The following CLSTN2 variants were observed in gnomAD, a reference collection of about 807,000 sequenced individuals.
CLSTN2 encodes calsyntenin 2, also known as calsyntenin-2.
In CLSTN2, 48 loss-of-function variants were observed where a neutral mutation model predicts 101.2. That is an observed-to-expected ratio of 0.47 (90% CI 0.38 to 0.60). CLSTN2 has a LOEUF of 0.60. CLSTN2 is among the 20% of genes least tolerant of loss of function. The pLI, the probability that CLSTN2 is intolerant of heterozygous loss-of-function variation, is 0.00. For synonymous variants in CLSTN2, 481 were observed against 463.6 expected, an observed-to-expected ratio of 1.04 and a Z score of -0.48; for missense variants, 1,160 against 1,238.2, an observed-to-expected ratio of 0.94 and a Z score of 0.95.
At chr3:139,955,329 T>A (rs1935374295) in intron 1 of CLSTN2, among the ~76,000 whole-genome samples, 1 of 151,792 alleles carries the variant, frequency 6.6e-6, no homozygotes, top group Admixed American at 6.6e-5. Flanking sequence ...ATGGGTATAT[T>A]AAACTCTGGC....
chr3:140,498,515 A>G (rs534164720), intron 8 of CLSTN2, among the ~76,000 whole-genome samples: 2 of 152,372 alleles, frequency 1.3e-5, no homozygotes, highest in African/African-American at 4.8e-5. Context: ...GCCCAGAGAC[A>G]TGTATGATAC....
chr3:140,279,686 G>A (rs753645597), intron 2 of CLSTN2, among the ~76,000 whole-genome samples: 6 of 152,162 alleles, frequency 3.9e-5, no homozygotes, highest in Non-Finnish European at 5.9e-5. Context: ...TCAGCAGCCC[G>A]CCTTCTATGT....
At chr3:140,377,803 GC>G (rs1296049511) in intron 2 of CLSTN2, among the ~76,000 whole-genome samples, 3 of 152,116 alleles carry the variant, frequency 2.0e-5, no homozygotes, top group Non-Finnish European at 4.4e-5. Context: ...ATTTAGTGTA[GC>G]CTAAATGTGC....
At chr3:140,367,001 A>G (rs762697915) in intron 2 of CLSTN2, among the ~76,000 whole-genome samples, 70 of 152,158 alleles carry the variant, frequency 4.6e-4, no homozygotes, top group Non-Finnish European at 1.2e-4. Flanking sequence ...TGGGCTTGGT[A>G]TGGTGGTTAG....
intron 4 of CLSTN2, among the ~76,000 whole-genome samples, chr3:140,410,012 T>C (rs140689062): frequency 1.2e-3 from 179 of 151,652 alleles, no homozygotes; most frequent in African/African-American, 1.6e-3. Flanking sequence ...AGAAAAAAGA[T>C]GAAAAGAATA....
chr3:140,335,026 AAGGG>A (rs2087426298), intron 2 of CLSTN2, among the ~76,000 whole-genome samples: 1 of 152,164 alleles, frequency 6.6e-6, no homozygotes, highest in African/African-American at 2.4e-5. Context: ...AGGAATGGCA[AAGGG>A]GGGCTTTTAA....
intron 1 of CLSTN2, among the ~76,000 whole-genome samples, chr3:140,080,043 A>T (rs550981915): frequency 7.9e-4 from 120 of 152,318 alleles, no homozygotes; most frequent in African/African-American, 2.8e-3. Context: ...CACATCCTAC[A>T]TGAGGAGATT....
intron 8 of CLSTN2, among the ~76,000 whole-genome samples, chr3:140,474,402 G>A (rs1031590926): frequency 6.6e-6 from 1 of 152,114 alleles, no homozygotes; most frequent in African/African-American, 2.4e-5. Flanking sequence ...TTTTCACCAG[G>A]CCTGCTTCCT....
chr3:140,310,929 A>G (rs1480797159), intron 2 of CLSTN2, among the ~76,000 whole-genome samples: 2 of 152,220 alleles, frequency 1.3e-5, no homozygotes, highest in African/African-American at 2.4e-5. Context: ...TGCAGGTTCA[A>G]GAACAAATAA....
chr3:140,128,262 C>G (rs2009467842), intron 1 of CLSTN2, among the ~76,000 whole-genome samples: 1 of 152,124 alleles, frequency 6.6e-6, no homozygotes, highest in African/African-American at 2.4e-5. Flanking sequence ...AAGACCAGCT[C>G]TTGGGCGAGG....
intron 2 of CLSTN2, among the ~76,000 whole-genome samples, chr3:140,362,009 GAAC>G (rs1394917047): frequency 6.6e-6 from 1 of 152,062 alleles, no homozygotes; most frequent in Non-Finnish European, 1.5e-5. Flanking sequence ...AGAATCTCCA[GAAC>G]AATTTTGAAA....
At chr3:140,318,825 G>A (rs968357733) in intron 2 of CLSTN2, among the ~76,000 whole-genome samples, 2 of 152,192 alleles carry the variant, frequency 1.3e-5, no homozygotes, top group Admixed American at 1.3e-4. Flanking sequence ...GGAGTCCAGA[G>A]AAAGAGTAAA....
chr3:140,227,504 C>T (rs553008503), intron 2 of CLSTN2, among the ~76,000 whole-genome samples: 2 of 152,276 alleles, frequency 1.3e-5, no homozygotes, highest in African/African-American at 4.8e-5. Flanking sequence ...TCCAGGTGCA[C>T]AGTGCAAGCT....
In CLSTN2 at chr3:140,175,992, G is replaced by A; in HGVS notation, c.151G>A (p.Val51Ile). 6.2e-7 allele frequency: 1 copy of A among 1,613,716 alleles called. No homozygotes were observed. Among genetic ancestry groups the A allele is most frequent in the Non-Finnish European group, 8.5e-7 (1 of 1,179,728 alleles). Residue 51 changes from valine (V) to isoleucine (I), a missense_variant, in exon 2 of 17, where the codon GTC becomes ATC. By Grantham distance (29) the Val-to-Ile change is conservative. Coordinates refer to ENST00000458420, the MANE Select transcript of CLSTN2 (RefSeq NM_022131.3). ...KPWIETSYHG[V>I]ITENNDTVIL... ...ATGGATCGAGACTTCATATCATGGA[G>A]TCATAACTGAGAACAATGACACAGT...
At chr3:140,276,835 T>C (rs2086798896) in intron 2 of CLSTN2, among the ~76,000 whole-genome samples, 1 of 152,334 alleles carries the variant, frequency 6.6e-6, no homozygotes, top group Non-Finnish European at 1.5e-5. Context: ...TCCTCATTAG[T>C]TGAGTGTGGC....
chr3:140,399,960 C>A (rs2088222133), intron 2 of CLSTN2, among the ~76,000 whole-genome samples: 1 of 151,190 alleles, frequency 6.6e-6, no homozygotes, highest in Non-Finnish European at 1.5e-5. Context: ...ATAGCAAGGG[C>A]AGCCTGAAAA....
rs1013593441 is a variant in CLSTN2 at position 140,481,582 on chromosome 3, A to G, written c.1344+14851A>G. Among the ~76,000 whole-genome samples, 8 of 152,220 alleles carry G rather than the reference A, an allele frequency of 5.3e-5. No individual in the cohort carries two copies. In the South Asian group the frequency reaches 1.0e-3, roughly 20 times the overall value. ...ATATTGATTCTTCCTACCCATGAGC[A>G]TGGAATGTTCTTCCATTTCTTTGTA... On this transcript the variant is annotated intron_variant, in intron 8 of 16. Coordinates refer to ENST00000458420, the MANE Select transcript of CLSTN2 (RefSeq NM_022131.3).
In CLSTN2 at chr3:140,377,440, A is replaced by G. The variant is rs574645861; in HGVS notation, c.233-26189A>G. On this transcript the variant is annotated intron_variant, in intron 2 of 16. Coordinates refer to ENST00000458420, the MANE Select transcript of CLSTN2 (RefSeq NM_022131.3). ...CAGAAGAAGGCATTGTTGTCCTAGG[A>G]GATGAGAGCTCCATGCATGTTATTT... is the stretch of plus-strand genomic sequence containing the variant. 5.9e-5 allele frequency among the ~76,000 whole-genome samples: 9 copies of G among 152,342 alleles called. No homozygotes were observed. The South Asian group carries it at 1.9e-3, about 32-fold the overall frequency.
At chr3:140,205,869 G>C (rs1378186016) in intron 2 of CLSTN2, among the ~76,000 whole-genome samples, 1 of 152,110 alleles carries the variant, frequency 6.6e-6, no homozygotes, top group East Asian at 1.9e-4. Context: ...CCACCGGTCA[G>C]TCCCTGGCTG....
Sources: gnomAD v4.1 joint callset for allele counts (sites outside exome capture counted in the v4.1 genomes callset) on GRCh38, gnomAD v4.1.1 for gene constraint, MANE v1.5 for transcripts, NCBI Gene and HGNC (gene_info 2026-07-23, HGNC 2026-07-21) for gene names.